Variants in APP observed in about 807,000 individuals in gnomAD.
APP encodes the protein amyloid beta precursor protein.
In APP, 31 loss-of-function variants were observed where a neutral mutation model predicts 101.4. The ratio of observed to expected loss-of-function variants is 0.31; its 90% CI spans 0.23 to 0.41. The LOEUF is 0.41. APP is among the 10% of genes least tolerant of loss of function. The pLI, the probability that APP is intolerant of heterozygous loss-of-function variation, is 1.00. For missense variants in APP, 839 were observed against 1,003.7 expected, an observed-to-expected ratio of 0.84 and a Z score of 2.22; for synonymous variants, 366 against 364.4, an observed-to-expected ratio of 1.00 and a Z score of -0.05.
chr21:25,887,098 C>T (rs1480961510), intron 17 of APP, among the ~76,000 whole-genome samples: 2 of 152,022 alleles, frequency 1.3e-5, no homozygotes, highest in African/African-American at 4.8e-5. Context: ...TTTTTCACAT[C>T]CTATAATAAA....
chr21:25,883,215 C>T (rs1216164082), intron 17 of APP, among the ~76,000 whole-genome samples: 1 of 152,086 alleles, frequency 6.6e-6, no homozygotes, highest in African/African-American at 2.4e-5. Flanking sequence ...CCAGCCTGGC[C>T]AACATGGTGA....
chr21:25,882,223 A>G (rs1320993106), intron 17 of APP, among the ~76,000 whole-genome samples: 1 of 151,710 alleles, frequency 6.6e-6, no homozygotes, highest in Non-Finnish European at 1.5e-5. Flanking sequence ...TGACACTCAA[A>G]TCTGTGTAGA....
chr21:25,966,202 G>C (rs1199994532), intron 11 of APP, among the ~76,000 whole-genome samples: 1 of 152,190 alleles, frequency 6.6e-6, no homozygotes, highest in African/African-American at 2.4e-5. Context: ...ATAGTACTGA[G>C]TGGCTTTACT....
intron 3 of APP, among the ~76,000 whole-genome samples, chr21:26,054,251 G>A (rs564066332): frequency 6.6e-6 from 1 of 152,336 alleles, no homozygotes; most frequent in South Asian, 2.1e-4. Flanking sequence ...TCTGAATGGT[G>A]AGAAGTAGTA....
chr21:25,889,480 G>A (rs1445602320), intron 17 of APP, among the ~76,000 whole-genome samples: 3 of 152,200 alleles, frequency 2.0e-5, no homozygotes, highest in African/African-American at 7.2e-5. Context: ...TTTGGCCTCT[G>A]GCATCAAAGA....
At chr21:25,923,635 CA>C (rs1409362598) in intron 13 of APP, among the ~76,000 whole-genome samples, 1 of 142,004 alleles carries the variant, frequency 7.0e-6, no homozygotes. Context: ...AAAAAATGCT[CA>C]CCATCACTGG....
chr21:26,103,463 G>A (rs1215163490), intron 2 of APP, among the ~76,000 whole-genome samples: 2 of 10,780 alleles, frequency 1.9e-4, no homozygotes, highest in Non-Finnish European at 3.2e-4. Flanking sequence ...AGCCACATGT[G>A]GTGGCGTGCA....
intron 6 of APP, among the ~76,000 whole-genome samples, chr21:26,004,651 T>C (rs1021180100): frequency 6.6e-6 from 1 of 152,066 alleles, no homozygotes; most frequent in Admixed American, 6.6e-5. Flanking sequence ...AGATTTTTAA[T>C]TTTTTTTCTT....
chr21:25,948,016 A>C, intron 13 of APP, among the ~76,000 whole-genome samples: 1 of 151,648 alleles, frequency 6.6e-6, no homozygotes, highest in Non-Finnish European at 1.5e-5. Flanking sequence ...AAAAAAAAAA[A>C]AAAAAAAAAG....
chr21:26,070,341 T>C (rs1286317038), intron 3 of APP, among the ~76,000 whole-genome samples: 1 of 152,194 alleles, frequency 6.6e-6, no homozygotes, highest in East Asian at 1.9e-4. Context: ...GCAGGACTTA[T>C]CACTCCACAG....
At chr21:26,081,175 C>T (rs1333664589) in intron 3 of APP, among the ~76,000 whole-genome samples, 2 of 152,192 alleles carry the variant, frequency 1.3e-5, no homozygotes, top group Non-Finnish European at 2.9e-5. Context: ...CAGAATTACA[C>T]ACTAATACTA....
chr21:26,015,386 T>G (rs1478990813), intron 6 of APP, among the ~76,000 whole-genome samples: 1 of 152,206 alleles, frequency 6.6e-6, no homozygotes, highest in Non-Finnish European at 1.5e-5. Context: ...AAATATTGGA[T>G]AGGTCTTATT....
At chr21:25,907,641 G>A (rs191402086) in intron 14 of APP, among the ~76,000 whole-genome samples, 1 of 152,326 alleles carries the variant, frequency 6.6e-6, no homozygotes, top group Admixed American at 6.5e-5. Context: ...TTTGCTGTAA[G>A]AGGAGAGAAA....
chr21:26,157,424 C>T (rs538830462), intron 1 of APP, among the ~76,000 whole-genome samples: 1 of 152,206 alleles, frequency 6.6e-6, no homozygotes, highest in East Asian at 1.9e-4. Flanking sequence ...AAAGTAAAAC[C>T]AACAGCAGAA....
intron 16 of APP, among the ~76,000 whole-genome samples, chr21:25,894,870 G>A (rs1360987049): frequency 6.6e-6 from 1 of 152,154 alleles, no homozygotes; most frequent in Non-Finnish European, 1.5e-5. Flanking sequence ...ATGCTACAGA[G>A]ACATCTTTTT....
intron 9 of APP, among the ~76,000 whole-genome samples, chr21:25,977,287 G>A (rs982666106): frequency 5.3e-5 from 8 of 152,210 alleles, no homozygotes; most frequent in Non-Finnish European, 1.0e-4. Context: ...ATGACAAGTA[G>A]AATTTGTTTG....
intron 5 of APP, among the ~76,000 whole-genome samples, chr21:26,049,099 A>G (rs2045729525): frequency 6.6e-6 from 1 of 152,154 alleles, no homozygotes; most frequent in South Asian, 2.1e-4. Flanking sequence ...ACCAACTGTC[A>G]ACAGGATTAA....
chr21:26,054,302 T>A (rs1319789099), intron 3 of APP, among the ~76,000 whole-genome samples: 1 of 152,180 alleles, frequency 6.6e-6, no homozygotes, highest in Non-Finnish European at 1.5e-5. Flanking sequence ...AACGTAAGGA[T>A]AGACTCTGTC....
intron 7 of APP, 27 bp from the exon 8 acceptor site, chr21:25,997,443 T>C (rs756611448): frequency 6.3e-7 from 1 of 1,583,778 alleles, no homozygotes; most frequent in Non-Finnish European, 8.7e-7. Context: ...AGAACATAAC[T>C]AAAAACAAAA....
Sources: gnomAD v4.1 joint callset for allele counts (sites outside exome capture counted in the v4.1 genomes callset) on GRCh38, gnomAD v4.1.1 for gene constraint, MANE v1.5 for transcripts, NCBI Gene and HGNC (gene_info 2026-07-23, HGNC 2026-07-21) for gene names.